ACAN: variants seen among roughly 807,000 people sequenced by gnomAD.
ACAN encodes the protein aggrecan, also known as aggrecan core protein.
A neutral mutation model predicts 169.1 loss-of-function variants in ACAN; 47 were observed. The observed-to-expected ratio is 0.28, with a 90% CI of 0.22 to 0.35. ACAN has a LOEUF of 0.35. Among genes scored for constraint, ACAN ranks in the 10% least tolerant of loss-of-function variants. The pLI is 1.00. For synonymous variants in ACAN, 1,115 were observed against 1,112.2 expected (o/e 1.00, Z -0.05); for missense variants, 2,716 against 2,759.9 (o/e 0.98, Z 0.36).
At chr15:88,819,426 G>A (rs1287431866) in intron 1 of ACAN, among the ~76,000 whole-genome samples, 1 of 152,106 alleles carries the variant, frequency 6.6e-6, no homozygotes, top group African/African-American at 2.4e-5. Flanking sequence ...GTCTGTAGCA[G>A]GCACTGAGCA....
At position 88,873,648 on chromosome 15, in the gene ACAN, C is replaced by G; in HGVS notation, c.7448-194C>G. 1 of 604,632 alleles carries G rather than the reference C, an allele frequency of 1.7e-6. No homozygotes were observed. The allele number at this position is 604,632 out of a possible 1,614,324, so 37.5% of individuals were successfully genotyped here. A position where few individuals can be genotyped will look rare whatever the true frequency, so the allele number is the denominator to read the frequency against. On this transcript the variant is annotated intron_variant, in intron 17 of 18. Coordinates refer to ENST00000560601, the MANE Select transcript of ACAN (RefSeq NM_001369268.1). The surrounding 1 kb of genome is among the most constrained non-coding windows in gnomAD (Gnocchi z 7.5). ...AAGACCACCCCGTTTGTATTCCCTT[C>G]CTGCTGTTCTAAATTGTTGAGGAAC...
chr15:88,842,002 T>G, intron 5 of ACAN, 135 bp downstream of exon 5: 2 of 1,227,224 alleles, frequency 1.6e-6, no homozygotes, highest in Non-Finnish European at 2.3e-6. Flanking sequence ...TCCTCTGCCA[T>G]GAAGGGAGGT....
At chr15:88,840,585 A>G (rs917950016) in intron 4 of ACAN, among the ~76,000 whole-genome samples, 2 of 152,172 alleles carry the variant, frequency 1.3e-5, no homozygotes, top group African/African-American at 2.4e-5. Context: ...CCCTGAGCGT[A>G]GTTGCTGAGG....
chr15:88,839,118 C>A lies in ACAN; in HGVS notation c.454+72C>A. On this transcript the variant is annotated intron_variant, in intron 3 of 18. Transcript: ENST00000560601. The surrounding 1 kb of genome is among the most constrained non-coding windows in gnomAD (Gnocchi z 4.5). ...ACCAGAGCAGTCTCCGCAGTGCAGG[C>A]GCAGGCAGGCTGGCCTTCAAACCAG... The A allele has an allele frequency of 6.5e-7, 1 of 1,549,510 alleles. No homozygotes were observed. Among genetic ancestry groups the A allele is most frequent in the Non-Finnish European group, 8.7e-7 (1 of 1,153,506 alleles).
Position 88,857,750 on chromosome 15 carries a change from C to T in ACAN, c.5165C>T (p.Ser1722Phe). The change falls in exon 12 of 19, where the codon TCT becomes TTT. Residue 1722 changes from serine (S) to phenylalanine (F), a missense_variant. Physicochemically the swap from Ser to Phe is radical, Grantham distance 155 (BLOSUM62 -2). Coordinates refer to ENST00000560601, the MANE Select transcript of ACAN (RefSeq NM_001369268.1). The part of the protein sequence containing the change: ...GTELSGQASG[S>F]PDVSGEIPGL... ...GAACTCAGTGGCCAAGCATCTGGGT[C>T]TCCTGATGTCAGTGGGGAAATACCT... 6.2e-7 allele frequency: 1 copy of T among 1,613,926 alleles called. No individual in the cohort carries two copies. The highest frequency in any genetic ancestry group is 8.5e-7 in the Non-Finnish European group (1 of 1,179,868).
intron 1 of ACAN, among the ~76,000 whole-genome samples, chr15:88,817,629 A>G (rs1895973241): frequency 1.3e-5 from 2 of 152,184 alleles, no homozygotes; most frequent in Admixed American, 1.3e-4. Context: ...CAAAGCAGGC[A>G]GATCACTTGA....
At chr15:88,810,544 C>G (rs546418877) in intron 1 of ACAN, among the ~76,000 whole-genome samples, 62 of 152,204 alleles carry the variant, frequency 4.1e-4, no homozygotes, top group South Asian at 3.7e-3. Flanking sequence ...CAGATGCTCC[C>G]TGTCTCCCCT....
Position 88,837,049 on chromosome 15 carries a change from C to T in ACAN, c.70+773C>T, listed in dbSNP as rs1346800054. Reference sequence around the variant, plus strand: ...AGCACATTCTGGGGTCCCAGGATGCCCAGAATTTCCCCTCCAAGTGGGCCC... The same window carrying T: ...AGCACATTCTGGGGTCCCAGGATGCTCAGAATTTCCCCTCCAAGTGGGCCC... On this transcript the variant is annotated intron_variant, in intron 2 of 18. Transcript: ENST00000560601. 7.2e-5 allele frequency among the ~76,000 whole-genome samples: 11 copies of T among 152,316 alleles called. No homozygotes were observed. In the South Asian group the frequency reaches 2.3e-3, roughly 32 times the overall value.
Position 88,855,348 on chromosome 15 carries a change from G to C in ACAN, c.2763G>C (p.Gly921=). 1 of 1,612,634 alleles carries C rather than the reference G, an allele frequency of 6.2e-7. No homozygotes were observed. The highest frequency in any genetic ancestry group is 1.3e-5 in the African/African-American group (1 of 75,012). The stretch of plus-strand genomic sequence containing the variant: ...CTGTGGAAAGTGGACTACCCTCAGG[G>C]GATGAAGAGAGAATTGAGTGGCCCA... ...GLPVESGLPS[G]DEERIEWPST... Residue 921 remains glycine, a synonymous_variant, in exon 12 of 19, where the codon GGG becomes GGC. Coordinates refer to ENST00000560601, the MANE Select transcript of ACAN (RefSeq NM_001369268.1).
chr15:88,872,102 G>A lies in ACAN; in HGVS notation c.7302+17G>A, dbSNP rs1174182492. ...CACCCCATGGTGAGTTCTGCTGTAG[G>A]CACAGCTGGTGGCCCAGGGGACAGG... On this transcript the variant is annotated intron_variant, in intron 16 of 18. Transcript: ENST00000560601. This position sits in a 1 kb window ranked among gnomAD's most constrained non-coding sequence, Gnocchi z 5.4. 1.2e-6 allele frequency: 2 copies of A among 1,610,186 alleles called. No homozygotes were observed. Among genetic ancestry groups the A allele is most frequent in the Non-Finnish European group, 1.7e-6 (2 of 1,176,706 alleles).
At position 88,805,248 on chromosome 15, in the gene ACAN, T is replaced by A. The variant is rs149559467; in HGVS notation, c.-8+1439T>A. Among the ~76,000 whole-genome samples the A allele has an allele frequency of 7.3e-5, 11 of 151,570 alleles. No individual in the cohort carries two copies. The East Asian group carries it at 1.9e-3, about 27-fold the overall frequency. On this transcript the variant is annotated intron_variant, in intron 1 of 18. Coordinates refer to ENST00000560601, the MANE Select transcript of ACAN (RefSeq NM_001369268.1). ...GCACTATGAAGATACGGTTTAGGAG[T>A]GTTGGCTTGTCAATCACAGGCTCCA...
In ACAN at chr15:88,874,815, G is replaced by A. The variant is rs1339004058; in HGVS notation, c.*334G>A. 1 of 383,708 alleles carries A rather than the reference G, an allele frequency of 2.6e-6. No homozygotes were observed. Among genetic ancestry groups the A allele is most frequent in the African/African-American group, 2.1e-5 (1 of 47,826 alleles). The allele number at this position is 383,708 out of a possible 1,614,324, so 23.8% of individuals were successfully genotyped here. A position where few individuals can be genotyped will look rare whatever the true frequency, so the allele number is the denominator to read the frequency against. ...AAGGGGAGGGGTTAAGTTAAATAAA[G>A]AAGATTATTTTTGTTTCCTGACTTT... On this transcript the variant is annotated 3_prime_UTR_variant, in exon 19 of 19. Transcript: ENST00000560601. The surrounding 1 kb of genome is among the most constrained non-coding windows in gnomAD (Gnocchi z 7.3).
chr15:88,811,342 C>T (rs974897796), intron 1 of ACAN, among the ~76,000 whole-genome samples: 3 of 152,158 alleles, frequency 2.0e-5, no homozygotes, highest in South Asian at 2.1e-4. Flanking sequence ...AATCTAGGCA[C>T]GGGCCCAGGT....
At chr15:88,832,533 C>G (rs945924389) in intron 1 of ACAN, among the ~76,000 whole-genome samples, 2 of 152,172 alleles carry the variant, frequency 1.3e-5, no homozygotes, top group African/African-American at 4.8e-5. Flanking sequence ...TTGCTTGAAC[C>G]TGGGAGGCAG....
chr15:88,828,446 T>A (rs1423781356), intron 1 of ACAN, among the ~76,000 whole-genome samples: 1 of 151,936 alleles, frequency 6.6e-6, no homozygotes, highest in Non-Finnish European at 1.5e-5. Context: ...CCAGAGAGCC[T>A]CCCCTCACTT....
In ACAN at chr15:88,843,006, C is replaced by A. The variant is rs1022882808; in HGVS notation, c.758-349C>A. 6.6e-6 allele frequency among the ~76,000 whole-genome samples: 1 copy of A among 152,162 alleles called. No homozygotes were observed. The highest frequency in any genetic ancestry group is 2.4e-5 in the African/African-American group (1 of 41,438). ...AAGGATTTGCCTTGAGTAGGCAATGCTTAACTCCTAGGAAAGATCCCCCTG... is the reference window on the plus strand; with the variant it reads ...AAGGATTTGCCTTGAGTAGGCAATGATTAACTCCTAGGAAAGATCCCCCTG... On this transcript the variant is annotated intron_variant, in intron 5 of 18. Transcript: ENST00000560601. The surrounding 1 kb of genome is among the most constrained non-coding windows in gnomAD (Gnocchi z 4.0).
chr15:88,808,780 C>A (rs1203341493), intron 1 of ACAN, among the ~76,000 whole-genome samples: 1 of 152,194 alleles, frequency 6.6e-6, no homozygotes, highest in Admixed American at 6.5e-5. Flanking sequence ...CTGCTGCAGA[C>A]CTTCATTTAG....
Position 88,851,904 on chromosome 15 carries a change from C to T in ACAN, c.2137C>T (p.Pro713Ser). The T allele has an allele frequency of 1.2e-6, 2 of 1,612,466 alleles. No homozygotes were observed. The highest frequency in any genetic ancestry group is 1.7e-6 in the Non-Finnish European group (2 of 1,179,352). ...TQVVPGVAAV[P>S]VEEETTAVPS... ...AGTGGTTCCTGGTGTGGCTGCTGTC[C>T]CCGTAGAAGAGGAGACAACTGCTGT... is the stretch of plus-strand genomic sequence containing the variant. The change falls in exon 11 of 19, where the codon CCC (proline) becomes TCC (serine). Residue 713 changes from proline to serine, a missense_variant. Physicochemically the swap from Pro to Ser is moderately conservative, Grantham distance 74 (BLOSUM62 -1). Around this residue, in one of 3 missense-constraint regions of ACAN, gnomAD observed 1,283 missense variants for 1,281.5 expected, o/e 1.00. Transcript: ENST00000560601. This position sits in a 1 kb window ranked among gnomAD's most constrained non-coding sequence, Gnocchi z 4.3.
At chr15:88,834,883 G>C (rs1896462547) in intron 1 of ACAN, among the ~76,000 whole-genome samples, 1 of 152,206 alleles carries the variant, frequency 6.6e-6, no homozygotes, top group Admixed American at 6.5e-5. Context: ...CTGAGGTTGA[G>C]AGCACTGCTC....
Sources: gnomAD v4.1 joint callset for allele counts (sites outside exome capture counted in the v4.1 genomes callset) on GRCh38, gnomAD v4.1.1 for gene constraint, gnomAD v4.1.1 regional missense constraint, Gnocchi (gnomAD v3.1) non-coding constraint, MANE v1.5 for transcripts, NCBI Gene and HGNC (gene_info 2026-07-23, HGNC 2026-07-21) for gene names.